CTNNA3: variants seen among roughly 807,000 people sequenced by gnomAD.
CTNNA3 encodes the protein catenin alpha 3, also known as catenin alpha-3.
Under a neutral mutation model 95.7 loss-of-function variants are expected in CTNNA3, and 76 were observed. The ratio of observed to expected loss-of-function variants is 0.79; its 90% CI spans 0.66 to 0.96. CTNNA3 has a LOEUF of 0.96. Ranked by LOEUF, CTNNA3 falls within the 40% of genes least tolerant of loss-of-function variation. The pLI is 0.00. For missense variants in CTNNA3, 1,191 were observed against 1,089.8 expected, an observed-to-expected ratio of 1.09 and a Z score of -1.31; for synonymous variants, 431 against 374.4, an observed-to-expected ratio of 1.15 and a Z score of -1.74.
chr10:67,672,715 C>T lies in CTNNA3; in HGVS notation c.-6+23285G>A, dbSNP rs559920757. On this transcript the variant is annotated intron_variant, in intron 1 of 17. Transcript: ENST00000433211. ...GAGGGCTCTGTTCTGTTCCATTGGT[C>T]GATATCTCTGTTTTGGTACCAGTAT... Among the ~76,000 whole-genome samples the T allele has an allele frequency of 1.6e-4, 25 of 152,156 alleles. No individual in the cohort carries two copies. The South Asian group carries it at 5.0e-3, about 30-fold the overall frequency.
intron 11 of CTNNA3, among the ~76,000 whole-genome samples, chr10:66,421,775 C>T (rs1276511507): frequency 7.0e-6 from 1 of 143,884 alleles, no homozygotes; most frequent in Non-Finnish European, 1.5e-5. Context: ...GGAGAGGTTG[C>T]AGTGAGCCGA....
chr10:66,820,839 T>C (rs1842282852), intron 7 of CTNNA3, among the ~76,000 whole-genome samples: 1 of 152,086 alleles, frequency 6.6e-6, no homozygotes, highest in South Asian at 2.1e-4. Context: ...GGTTAATTTA[T>C]ATACAAAAAG....
At chr10:67,524,329 C>T (rs529951388) in intron 4 of CTNNA3, among the ~76,000 whole-genome samples, 7 of 142,100 alleles carry the variant, frequency 4.9e-5, no homozygotes, top group Non-Finnish European at 7.5e-5. Context: ...ACCCGGCAGG[C>T]GGAGCTTGCA....
intron 10 of CTNNA3, among the ~76,000 whole-genome samples, chr10:66,554,279 T>A (rs750454728): frequency 5.3e-5 from 8 of 152,162 alleles, no homozygotes; most frequent in Non-Finnish European, 1.0e-4. Flanking sequence ...AATACAGATA[T>A]TTTATCTTTG....
intron 5 of CTNNA3, among the ~76,000 whole-genome samples, chr10:67,489,284 C>T (rs541709281): frequency 1.3e-5 from 2 of 152,196 alleles, no homozygotes; most frequent in East Asian, 1.9e-4. Flanking sequence ...ATTTAATTAT[C>T]GGAAATGCAT....
intron 1 of CTNNA3, among the ~76,000 whole-genome samples, chr10:67,702,418 C>T (rs1413569878): frequency 6.6e-6 from 1 of 152,188 alleles, no homozygotes; most frequent in African/African-American, 2.4e-5. Context: ...GACATTATAA[C>T]AAACTGTCTC....
chr10:66,335,691 G>T (rs2092386743), intron 12 of CTNNA3, among the ~76,000 whole-genome samples: 2 of 152,120 alleles, frequency 1.3e-5, no homozygotes, highest in Non-Finnish European at 2.9e-5. Context: ...ACCCACTTGA[G>T]GAGGTAGTCT....
At chr10:67,094,438 A>G (rs1857843516) in intron 7 of CTNNA3, among the ~76,000 whole-genome samples, 3 of 151,974 alleles carry the variant, frequency 2.0e-5, no homozygotes, top group South Asian at 4.1e-4. Flanking sequence ...TAATGTAAAC[A>G]TCTAGTAAAT....
At chr10:67,647,684 G>T (rs1839759556) in intron 1 of CTNNA3, among the ~76,000 whole-genome samples, 166 bp from the exon 2 acceptor site, 1 of 152,156 alleles carries the variant, frequency 6.6e-6, no homozygotes, top group Non-Finnish European at 1.5e-5. Context: ...AGAGAAAGAA[G>T]ATATTCCCCA....
chr10:65,912,578 G>A lies in CTNNA3; in HGVS notation c.*7752C>T, dbSNP rs918971125. 2.6e-5 allele frequency: 4 copies of A among 151,824 alleles called. No individual in the cohort carries two copies. The highest frequency in any genetic ancestry group is 9.7e-5 in the African/African-American group (4 of 41,328). 9.4% of individuals were successfully genotyped at this position (151,824 alleles called of 1,614,324 possible). ...TTAACACACATTTTAATTTTCAGTT[G>A]AACAAATTCTTAATGAGCTACAGAG... On this transcript the variant is annotated 3_prime_UTR_variant, in exon 18 of 18. Transcript: ENST00000433211.
intron 15 of CTNNA3, among the ~76,000 whole-genome samples, chr10:66,041,546 A>G (rs2079688369): frequency 6.6e-6 from 1 of 152,174 alleles, no homozygotes; most frequent in Non-Finnish European, 1.5e-5. Context: ...CAAAATTTGT[A>G]TCAAAATAAA....
intron 12 of CTNNA3, among the ~76,000 whole-genome samples, chr10:66,340,852 T>G (rs1463169145): frequency 2.6e-5 from 4 of 151,846 alleles, no homozygotes; most frequent in Non-Finnish European, 5.9e-5. Context: ...TATTTTTATT[T>G]TAGGTATAAT....
intron 12 of CTNNA3, among the ~76,000 whole-genome samples, chr10:66,344,657 C>T (rs1430109812): frequency 6.6e-6 from 1 of 151,998 alleles, no homozygotes; most frequent in African/African-American, 2.4e-5. Context: ...AATTAGATAC[C>T]ACTACCCTTA....
chr10:67,556,022 T>C (rs1841233424), intron 3 of CTNNA3, among the ~76,000 whole-genome samples: 1 of 152,240 alleles, frequency 6.6e-6, no homozygotes, highest in Admixed American at 6.5e-5. Flanking sequence ...CATGTGGTTT[T>C]TGTCTTTGGT....
intron 10 of CTNNA3, among the ~76,000 whole-genome samples, chr10:66,602,134 A>C (rs942878886): frequency 5.9e-5 from 9 of 151,864 alleles, no homozygotes; most frequent in African/African-American, 2.2e-4. Context: ...AAAACTTGTC[A>C]TGACTGGGTA....
Position 66,186,420 on chromosome 10 carries a change from A to C in CTNNA3, c.1885-83171T>G, listed in dbSNP as rs1397606659. On this transcript the variant is annotated intron_variant, in intron 13 of 17. Transcript: ENST00000433211. Reference sequence around the variant, plus strand: ...GTGTTATAATTTAAGTCTTAAGGAGAGATTAAGAAGATAAGTATGCTTAAA... The same window carrying C: ...GTGTTATAATTTAAGTCTTAAGGAGCGATTAAGAAGATAAGTATGCTTAAA... Among the ~76,000 whole-genome samples, 4 of 152,092 alleles carry C rather than the reference A, an allele frequency of 2.6e-5. No individual in the cohort carries two copies. In the South Asian group the frequency reaches 8.3e-4, roughly 32 times the overall value.
At chr10:66,590,896 T>C (rs1270171750) in intron 10 of CTNNA3, among the ~76,000 whole-genome samples, 3 of 152,126 alleles carry the variant, frequency 2.0e-5, no homozygotes, top group Non-Finnish European at 2.9e-5. Flanking sequence ...ATTGCTAATA[T>C]ATCTAAGGCA....
At chr10:65,953,587 C>T (rs1360809355) in intron 17 of CTNNA3, among the ~76,000 whole-genome samples, 1 of 151,892 alleles carries the variant, frequency 6.6e-6, no homozygotes, top group East Asian at 1.9e-4. Flanking sequence ...ACCCTGTGTC[C>T]AAGTATTCTC....
chr10:66,789,091 G>A (rs771991215), intron 7 of CTNNA3, among the ~76,000 whole-genome samples: 2 of 152,152 alleles, frequency 1.3e-5, no homozygotes, highest in Non-Finnish European at 2.9e-5. Flanking sequence ...ACAAGTACAT[G>A]AACAAATATT....
Sources: allele counts gnomAD v4.1 joint callset (sites outside exome capture counted in the v4.1 genomes callset), GRCh38; gene constraint gnomAD v4.1.1; transcripts MANE v1.5; gene names NCBI Gene and HGNC (gene_info 2026-07-23, HGNC 2026-07-21).